Variants in TPD52L2 observed in about 807,000 individuals in gnomAD.
The protein encoded by TPD52L2 is TPD52 like 2, also known as tumor protein D54.
TPD52L2 carries 19 observed loss-of-function variants against 24.7 expected under a neutral mutation model. The observed-to-expected ratio is 0.77, with a 90% CI of 0.54 to 1.13. The LOEUF is 1.13. Among genes scored for constraint, TPD52L2 ranks in the 50% most tolerant of loss-of-function variants. The pLI is 0.00. For synonymous variants in TPD52L2, 104 were observed against 100.2 expected (o/e 1.04, Z -0.23); for missense variants, 236 against 250.4 (o/e 0.94, Z 0.39).
At chr20:63,885,942 G>C (rs1237374980) in intron 5 of TPD52L2, 2 of 1,541,284 alleles carry the variant, frequency 1.3e-6, no homozygotes, top group Admixed American at 3.3e-5. Flanking sequence ...GGCTCCCCGA[G>C]GAGGGCTGTG....
At chr20:63,880,718 G>A (rs1175003833) in intron 4 of TPD52L2, among the ~76,000 whole-genome samples, 2 of 151,852 alleles carry the variant, frequency 1.3e-5, no homozygotes, top group Admixed American at 6.6e-5. Flanking sequence ...GTGAAACTCC[G>A]TCTGTACCAA....
At chr20:63,886,641 G>T (rs563363464) in intron 5 of TPD52L2, among the ~76,000 whole-genome samples, 1 of 150,950 alleles carries the variant, frequency 6.6e-6, no homozygotes, top group African/African-American at 2.4e-5. Flanking sequence ...GAGCCACCGC[G>T]CCCGGCCTTT....
intron 4 of TPD52L2, among the ~76,000 whole-genome samples, 176 bp downstream of exon 4, chr20:63,876,051 A>G (rs776746523): frequency 6.6e-6 from 1 of 152,210 alleles, no homozygotes; most frequent in Non-Finnish European, 1.5e-5. Context: ...TTTGTGGAAC[A>G]GGGAATAGTA....
In TPD52L2 at chr20:63,890,218, T is replaced by G; in HGVS notation, c.*273T>G. On this transcript the variant is annotated 3_prime_UTR_variant, in exon 7 of 7. Coordinates refer to ENST00000346249, the MANE Select transcript of TPD52L2 (RefSeq NM_003288.4). ...GCAGGAAGTGGACAGGGCGGAGGGT[T>G]TGAAAGAATATTGAGCCAAAGCCCA... is the stretch of plus-strand genomic sequence containing the variant. 1 of 658,844 alleles carries G rather than the reference T, an allele frequency of 1.5e-6. No homozygotes were observed. The highest frequency in any genetic ancestry group is 2.4e-6 in the Non-Finnish European group (1 of 412,538). The allele number at this position is 658,844 out of a possible 1,614,324, so 40.8% of individuals were successfully genotyped here.
chr20:63,889,746 G>A (rs946637952), intron 6 of TPD52L2, 104 bp from the exon 7 acceptor site: 41 of 1,102,122 alleles, frequency 3.7e-5, no homozygotes, highest in South Asian at 4.5e-5. Flanking sequence ...AGCAGTGTTC[G>A]TGTTACATAA....
Position 63,889,207 on chromosome 20 carries a change from A to T in TPD52L2, c.494A>T (p.Lys165Met), listed in dbSNP as rs954173984. The change falls in exon 6 of 7, where the codon AAG (lysine) becomes ATG (methionine). Residue 165 changes from lysine (K) to methionine (M), a missense_variant. Lys to Met is a moderately conservative substitution (Grantham distance 95). Transcript: ENST00000346249. ...LGDMRNSATF[K>M]SFEDRVGTIK... The stretch of plus-strand genomic sequence containing the variant: ...CTTTAAAGGAACTCTGCGACCTTCA[A>T]GTCGTTTGAGGACCGAGTTGGGACC... The T allele has an allele frequency of 1.2e-6, 2 of 1,613,484 alleles. No homozygotes were observed. Among genetic ancestry groups the T allele is most frequent in the East Asian group, 4.5e-5 (2 of 44,880 alleles).
chr20:63,873,903 C>G (rs1372498879), intron 3 of TPD52L2, 87 bp downstream of exon 3: 8 of 1,382,310 alleles, frequency 5.8e-6, no homozygotes, highest in Non-Finnish European at 7.6e-6. Flanking sequence ...GTCGTCATGC[C>G]CAGGGACGAG....
chr20:63,880,629 A>G (rs73611735), intron 4 of TPD52L2, among the ~76,000 whole-genome samples: 1 of 152,230 alleles, frequency 6.6e-6, no homozygotes, highest in Non-Finnish European at 1.5e-5. Flanking sequence ...GGTGGCTCAC[A>G]CCTGTAATCC....
In TPD52L2 at chr20:63,877,510, A is replaced by G. The variant is rs2052732863; in HGVS notation, c.374+1635A>G. ...TGGGCTGTGTCTCGGGCTGTTGAACAGTGACTTTGCTGGGCAGCAGATGGT... is the reference window on the plus strand; with the variant it reads ...TGGGCTGTGTCTCGGGCTGTTGAACGGTGACTTTGCTGGGCAGCAGATGGT... On this transcript the variant is annotated intron_variant, in intron 4 of 6. Coordinates refer to ENST00000346249, the MANE Select transcript of TPD52L2 (RefSeq NM_003288.4). This position sits in a 1 kb window ranked among gnomAD's most constrained non-coding sequence, Gnocchi z 4.1. Among the ~76,000 whole-genome samples the G allele has an allele frequency of 6.6e-6, 1 of 152,146 alleles. No individual in the cohort carries two copies. The highest frequency in any genetic ancestry group is 1.5e-5 in the Non-Finnish European group (1 of 68,012).
Position 63,877,558 on chromosome 20 carries a change from T to A in TPD52L2, c.374+1683T>A, listed in dbSNP as rs962287508. On this transcript the variant is annotated intron_variant, in intron 4 of 6. Transcript: ENST00000346249. This position sits in a 1 kb window ranked among gnomAD's most constrained non-coding sequence, Gnocchi z 4.1. ...GGTTCCTAGGTTGGGACAGTGACGG[T>A]CATCCTTGCAGTTTGGGCATCAGGC... is the stretch of plus-strand genomic sequence containing the variant. Among the ~76,000 whole-genome samples the A allele has an allele frequency of 1.3e-5, 2 of 152,342 alleles. No individual in the cohort carries two copies. Among genetic ancestry groups the A allele is most frequent in the East Asian group, 3.9e-4 (2 of 5,190 alleles).
At chr20:63,885,916 AG>A in intron 5 of TPD52L2, 1 of 1,274,808 alleles carries the variant, frequency 7.8e-7, no homozygotes, top group Non-Finnish European at 1.1e-6. Context: ...GAGCACGAGC[AG>A]GGGGCCTCCC....
intron 4 of TPD52L2, among the ~76,000 whole-genome samples, chr20:63,879,523 G>T (rs960310050): frequency 4.6e-5 from 7 of 152,196 alleles, no homozygotes; most frequent in Admixed American, 1.3e-4. Context: ...TCATTCTGAA[G>T]GCCGGGCACA....
chr20:63,880,492 A>T (rs984260232), intron 4 of TPD52L2, among the ~76,000 whole-genome samples: 1 of 152,294 alleles, frequency 6.6e-6, no homozygotes, highest in Non-Finnish European at 1.5e-5. Context: ...AGCGCTTTAG[A>T]ATCCTCTGCT....
intron 4 of TPD52L2, among the ~76,000 whole-genome samples, chr20:63,876,159 A>G (rs922509103): frequency 1.3e-5 from 2 of 152,198 alleles, no homozygotes; most frequent in East Asian, 3.9e-4. Flanking sequence ...TCCTGGCTGT[A>G]TCTCTAACTA....
chr20:63,874,139 C>T (rs1382417955), intron 3 of TPD52L2, among the ~76,000 whole-genome samples: 2 of 151,764 alleles, frequency 1.3e-5, no homozygotes, highest in Admixed American at 6.6e-5. Context: ...GCAACCTCTG[C>T]CCCCCGGGTT....
At chr20:63,868,132 C>T (rs533859076) in intron 1 of TPD52L2, among the ~76,000 whole-genome samples, 40 of 150,920 alleles carry the variant, frequency 2.7e-4, no homozygotes, top group African/African-American at 9.5e-4. Flanking sequence ...AAGCTGGTCT[C>T]GAACTCCTGA....
rs1555873183 is a variant in TPD52L2 at position 63,875,152 on chromosome 20, A to AAATATAT, written c.315-663_315-662insATATATA. Among the ~76,000 whole-genome samples, 7 of 141,750 alleles carry AAATATAT rather than the reference A, an allele frequency of 4.9e-5. No individual in the cohort carries two copies. The East Asian group carries it at 8.4e-4, about 17-fold the overall frequency. The allele number at this position is 141,750 out of a possible 152,430, so 93.0% of individuals were successfully genotyped here. The stretch of plus-strand genomic sequence containing the variant: ...GCAAGACTCTGTCTCAAAAAAAAAA[A>AAATATAT]ATATATATATATATATATTTATATA... On this transcript the variant is annotated intron_variant, in intron 3 of 6. Coordinates refer to ENST00000346249, the MANE Select transcript of TPD52L2 (RefSeq NM_003288.4).
chr20:63,865,419 G>A (rs1600767419), intron 1 of TPD52L2, 35 bp downstream of exon 1: 1 of 1,514,996 alleles, frequency 6.6e-7, no homozygotes, highest in Non-Finnish European at 8.8e-7. Flanking sequence ...GCCGCAGATG[G>A]GCCCAGGCTG....
chr20:63,886,126 G>T, intron 5 of TPD52L2: 1 of 1,404,040 alleles, frequency 7.1e-7, no homozygotes, highest in South Asian at 1.2e-5. Flanking sequence ...TTGGGCGGCT[G>T]TGCTAGTAGA....
Sources: gnomAD v4.1 joint callset for allele counts (sites outside exome capture counted in the v4.1 genomes callset) on GRCh38, gnomAD v4.1.1 for gene constraint, Gnocchi (gnomAD v3.1) non-coding constraint, MANE v1.5 for transcripts, NCBI Gene and HGNC (gene_info 2026-07-23, HGNC 2026-07-21) for gene names.